The following PLXNA2 variants were observed in gnomAD, a reference collection of about 807,000 sequenced individuals.
PLXNA2 encodes plexin A2, also known as plexin-A2.
Under a neutral mutation model 193.5 loss-of-function variants are expected in PLXNA2, and 91 were observed. The ratio of observed to expected loss-of-function variants is 0.47; its 90% confidence interval spans 0.40 to 0.56. The LOEUF is 0.56. PLXNA2 is among the 20% of genes least tolerant of loss of function. The probability of loss-of-function intolerance (pLI) is 0.00; values close to 1 mark genes in which losing one functional copy is unlikely to be tolerated. For synonymous variants in PLXNA2, 997 were observed against 1,027.3 expected (o/e 0.97, Z 0.56); for missense variants, 1,995 against 2,503.2 (o/e 0.80, Z 4.33).
intron 4 of PLXNA2, among the ~76,000 whole-genome samples, chr1:208,104,165 C>T (rs1667187457): frequency 6.6e-6 from 1 of 152,158 alleles, no homozygotes; most frequent in African/African-American, 2.4e-5. Context: ...CATAGAGGTC[C>T]CCCACCTACC....
At chr1:208,035,786 G>A (rs1183264331) in intron 26 of PLXNA2, among the ~76,000 whole-genome samples, 1 of 152,088 alleles carries the variant, frequency 6.6e-6, no homozygotes, top group Non-Finnish European at 1.5e-5. Context: ...TAAATTGTCA[G>A]TCCCTCTCTC....
chr1:208,062,197 T>C (rs762600862), intron 12 of PLXNA2, among the ~76,000 whole-genome samples: 7 of 152,134 alleles, frequency 4.6e-5, no homozygotes, highest in Non-Finnish European at 7.4e-5. Flanking sequence ...TGACCCTGTA[T>C]GTGCTGGTGG....
At chr1:208,155,705 C>G (rs1280948862) in intron 3 of PLXNA2, among the ~76,000 whole-genome samples, 2 of 152,302 alleles carry the variant, frequency 1.3e-5, no homozygotes, top group East Asian at 3.9e-4. Context: ...CAACACCCGG[C>G]TGCACTGGAC....
chr1:208,205,981 T>G (rs1483845909), intron 3 of PLXNA2, among the ~76,000 whole-genome samples: 1 of 152,204 alleles, frequency 6.6e-6, no homozygotes, highest in Non-Finnish European at 1.5e-5. Context: ...TTTATTATTA[T>G]TTTTTAACCT....
At position 208,081,058 on chromosome 1, in the gene PLXNA2, A is replaced by T. The variant is rs115347451; in HGVS notation, c.2395+1354T>A. 3.1e-3 allele frequency among the ~76,000 whole-genome samples: 470 copies of T among 152,290 alleles called. 3 individuals carry two copies. Among genetic ancestry groups the T allele is most frequent in the African/African-American group, 0.011 (449 of 41,544 alleles). On this transcript the variant is annotated intron_variant, in intron 11 of 31. Coordinates refer to ENST00000367033, the MANE Select transcript of PLXNA2 (RefSeq NM_025179.4). ...TGTGCACTCTCAGAGCTTCTTCAAC[A>T]TTGCAAGAGTCACAAGTAGAGTTTC...
chr1:208,228,561 G>A (rs1206154232), intron 1 of PLXNA2, among the ~76,000 whole-genome samples: 2 of 152,132 alleles, frequency 1.3e-5, no homozygotes, highest in African/African-American at 4.8e-5. Flanking sequence ...GTCTGACTTT[G>A]CCAGGCACAT....
At chr1:208,127,961 G>C (rs955755001) in intron 4 of PLXNA2, among the ~76,000 whole-genome samples, 1 of 152,110 alleles carries the variant, frequency 6.6e-6, no homozygotes, top group Admixed American at 6.5e-5. Flanking sequence ...GGCAGGCTCC[G>C]AGGGCCCAGC....
intron 3 of PLXNA2, among the ~76,000 whole-genome samples, chr1:208,173,580 C>T (rs1669562336): frequency 6.6e-6 from 1 of 152,186 alleles, no homozygotes; most frequent in South Asian, 2.1e-4. Flanking sequence ...GCGTTCTTTC[C>T]AGTCTACCAG....
At chr1:208,186,708 A>AT (rs368056918) in intron 3 of PLXNA2, among the ~76,000 whole-genome samples, 17 of 111,740 alleles carry the variant, frequency 1.5e-4, no homozygotes, top group East Asian at 1.1e-3. Context: ...TTGCAATGTT[A>AT]TTTTATTTTT....
At position 208,098,932 on chromosome 1, in the gene PLXNA2, G is replaced by A. The variant is rs1157641683; in HGVS notation, c.1645C>T (p.Pro549Ser). The change falls in exon 6 of 32, where the codon CCT (proline) becomes TCT (serine). Residue 549 changes from proline (P) to serine (S), a missense_variant. Coordinates refer to ENST00000367033, the MANE Select transcript of PLXNA2 (RefSeq NM_025179.4). ...RRDKCQQAWE[P>S]NRFAASISQC... Reference sequence around the variant, plus strand: ...CTGATGCTGGCAGCAAATCGATTAGGTTCCCAGGCCTGTTGGCATTTGTCC... The same window carrying A: ...CTGATGCTGGCAGCAAATCGATTAGATTCCCAGGCCTGTTGGCATTTGTCC... 6.2e-7 allele frequency: 1 copy of A among 1,613,450 alleles called. No homozygotes were observed. Among genetic ancestry groups the A allele is most frequent in the Admixed American group, 1.7e-5 (1 of 59,994 alleles).
At chr1:208,030,901 G>T in intron 29 of PLXNA2, 1 of 985,836 alleles carries the variant, frequency 1.0e-6, no homozygotes, top group Non-Finnish European at 1.2e-6. Flanking sequence ...TGAGGATAAA[G>T]TCTCATACCA....
chr1:208,070,263 C>T (rs1336326239), intron 12 of PLXNA2, among the ~76,000 whole-genome samples: 1 of 152,238 alleles, frequency 6.6e-6, no homozygotes, highest in Non-Finnish European at 1.5e-5. Flanking sequence ...TAAGGCCATG[C>T]CTTGCTGCTT....
chr1:208,031,469 G>T, intron 29 of PLXNA2, 121 bp downstream of exon 29: 3 of 1,385,848 alleles, frequency 2.2e-6, no homozygotes, highest in Non-Finnish European at 3.0e-6. Context: ...CAGGAGCTTT[G>T]GATCACCCAG....
chr1:208,176,539 T>A (rs899969381), intron 3 of PLXNA2, among the ~76,000 whole-genome samples: 4 of 151,998 alleles, frequency 2.6e-5, no homozygotes, highest in Non-Finnish European at 5.9e-5. Flanking sequence ...CAAGAAAAAG[T>A]CCCACAGTGA....
At chr1:208,067,851 G>A (rs1431904084) in intron 12 of PLXNA2, among the ~76,000 whole-genome samples, 1 of 152,154 alleles carries the variant, frequency 6.6e-6, no homozygotes, top group African/African-American at 2.4e-5. Flanking sequence ...GAGCTCAAGG[G>A]CCCCCACAGC....
intron 3 of PLXNA2, among the ~76,000 whole-genome samples, chr1:208,200,698 T>TCTCCTGC (rs1220083254): frequency 6.6e-6 from 1 of 151,518 alleles, no homozygotes; most frequent in African/African-American, 2.4e-5. Flanking sequence ...TTCAAGCGAT[T>TCTCCTGC]CTCCTGCCTC....
intron 3 of PLXNA2, among the ~76,000 whole-genome samples, chr1:208,154,421 G>A (rs958764793): frequency 6.6e-6 from 1 of 152,112 alleles, no homozygotes; most frequent in Non-Finnish European, 1.5e-5. Flanking sequence ...AGTCCTCCTG[G>A]CCCCTGAGAA....
At position 208,051,249 on chromosome 1, in the gene PLXNA2, A is replaced by G; in HGVS notation, c.3161+7T>C. The stretch of plus-strand genomic sequence containing the variant: ...TCCAGGTGCATCCCTCCCACCTTCC[A>G]CCTCACCTGGCAATGCTCCACTCTG... On this transcript the variant is annotated splice_region_variant and intron_variant, in intron 16 of 31. Transcript: ENST00000367033. The G allele has an allele frequency of 3.1e-6, 5 of 1,601,448 alleles. No individual in the cohort carries two copies. The highest frequency in any genetic ancestry group is 4.3e-6 in the Non-Finnish European group (5 of 1,172,076).
At chr1:208,151,666 G>T (rs1473429550) in intron 3 of PLXNA2, among the ~76,000 whole-genome samples, 2 of 152,122 alleles carry the variant, frequency 1.3e-5, no homozygotes, top group African/African-American at 2.4e-5. Context: ...CAACCCGTGT[G>T]CAAAAATTCA....
Sources: gnomAD v4.1 joint callset for allele counts (sites outside exome capture counted in the v4.1 genomes callset) on GRCh38, gnomAD v4.1.1 for gene constraint, MANE v1.5 for transcripts, NCBI Gene and HGNC (gene_info 2026-07-23, HGNC 2026-07-21) for gene names.